Variants in PNPLA3 observed in about 807,000 individuals in gnomAD.
PNPLA3 encodes patatin like domain 3, 1-acylglycerol-3-phosphate O-acyltransferase.
In PNPLA3, 42 loss-of-function variants were observed where a neutral mutation model predicts 43.1. The ratio of observed to expected loss-of-function variants is 0.97; its 90% CI spans 0.76 to 1.26. The LOEUF is 1.26. PNPLA3 is among the 50% of genes most tolerant of loss of function. The pLI, the probability that PNPLA3 is intolerant of heterozygous loss-of-function variation, is 0.00. For missense variants in PNPLA3, 647 were observed against 621.4 expected (o/e 1.04, Z -0.44); for synonymous variants, 272 against 253.6 (o/e 1.07, Z -0.69).
At chr22:43,938,200 C>T (rs1295220585) in intron 6 of PNPLA3, among the ~76,000 whole-genome samples, 9 of 152,098 alleles carry the variant, frequency 5.9e-5, no homozygotes, top group Non-Finnish European at 1.3e-4. Context: ...AGCCTGAACA[C>T]GGACTAAGTC....
At position 43,937,191 on chromosome 22, in the gene PNPLA3, G is replaced by T. The variant is rs2050001158; in HGVS notation, c.898G>T (p.Glu300Ter). 2 of 1,614,048 alleles carry T rather than the reference G, an allele frequency of 1.2e-6. No homozygotes were observed. Among genetic ancestry groups the T allele is most frequent in the African/African-American group, 1.3e-5 (1 of 74,924 alleles). ...CTTGGCTGTGAGGCTGGAGGGAGAT[G>T]AGCTGCTAGACCACCTGCGTCTCAG... is the stretch of plus-strand genomic sequence containing the variant. ...AALAVRLEGD[E>*]LLDHLRLSIL... The change falls in exon 6 of 9, where the codon GAG becomes TAG. Residue 300 changes from glutamate to a stop codon, truncating the protein, a stop_gained. Coordinates refer to ENST00000216180, the MANE Select transcript of PNPLA3 (RefSeq NM_025225.3). LOFTEE classifies it high-confidence loss of function.
rs1011490387 is a variant in PNPLA3 at position 43,947,040 on chromosome 22, A to G, written c.*658A>G. On this transcript the variant is annotated 3_prime_UTR_variant, in exon 9 of 9. Coordinates refer to ENST00000216180, the MANE Select transcript of PNPLA3 (RefSeq NM_025225.3). ...GAATTTTGTATTATGTGAATCAGTG[A>G]GATGTTAGTAGAATAAGCCTTAAAA... is the stretch of plus-strand genomic sequence containing the variant. 3.4e-5 allele frequency: 8 copies of G among 233,446 alleles called. 1 individual carries two copies. The highest frequency in any genetic ancestry group is 2.2e-4 in the Admixed American group (4 of 18,574). 14.5% of individuals were successfully genotyped at this position (233,446 alleles called of 1,614,324 possible). A position where few individuals can be genotyped will look rare whatever the true frequency, so the allele number is the denominator to read the frequency against.
intron 5 of PNPLA3, among the ~76,000 whole-genome samples, chr22:43,934,932 A>G (rs1297891275): frequency 6.6e-6 from 1 of 152,070 alleles, no homozygotes; most frequent in African/African-American, 2.4e-5. Flanking sequence ...TCATGACTCC[A>G]GGGCCCTCTC....
chr22:43,939,001 C>T (rs2050014147), intron 6 of PNPLA3, among the ~76,000 whole-genome samples: 1 of 152,236 alleles, frequency 6.6e-6, no homozygotes, highest in Non-Finnish European at 1.5e-5. Flanking sequence ...TCTTGGCTCA[C>T]TGGAGCCTCC....
At chr22:43,939,076 C>G (rs1233385890) in intron 6 of PNPLA3, among the ~76,000 whole-genome samples, 2 of 152,238 alleles carry the variant, frequency 1.3e-5, no homozygotes, top group East Asian at 3.9e-4. Flanking sequence ...CAGGTGCACA[C>G]CACCACGCCT....
intron 7 of PNPLA3, among the ~76,000 whole-genome samples, chr22:43,943,058 T>C (rs2050041731): frequency 1.3e-5 from 2 of 152,300 alleles, no homozygotes; most frequent in South Asian, 4.1e-4. Context: ...ACAGATTTCC[T>C]CAAATTTTGT....
Position 43,933,482 on chromosome 22 carries a change from G to A in PNPLA3, c.696+395G>A, listed in dbSNP as rs565734210. Reference sequence around the variant, plus strand: ...GCTCACTGAAGCCTCAGACTCCTGGGTTCAAGCAGTCCTCCCACCTCAGCC... The same window carrying A: ...GCTCACTGAAGCCTCAGACTCCTGGATTCAAGCAGTCCTCCCACCTCAGCC... On this transcript the variant is annotated intron_variant, in intron 4 of 8. Transcript: ENST00000216180. Among the ~76,000 whole-genome samples, 17 of 152,242 alleles carry A rather than the reference G, an allele frequency of 1.1e-4. No individual in the cohort carries two copies. The East Asian group carries it at 3.3e-3, about 29-fold the overall frequency.
In PNPLA3 at chr22:43,928,896, C is replaced by G. The variant is rs750880570; in HGVS notation, c.486+7C>G. ...TCCTTCCTTCAGAGGCGTGGTAAGT[C>G]GGCTTTCTCTGCTAGCGCTGAGTCC... On this transcript the variant is annotated splice_region_variant and intron_variant, in intron 3 of 8. Transcript: ENST00000216180. The G allele has an allele frequency of 6.2e-7, 1 of 1,607,936 alleles. No homozygotes were observed. Among genetic ancestry groups the G allele is most frequent in the Non-Finnish European group, 8.5e-7 (1 of 1,174,456 alleles).
intron 4 of PNPLA3, among the ~76,000 whole-genome samples, chr22:43,933,670 A>T (rs1464069717): frequency 2.0e-5 from 3 of 152,206 alleles, no homozygotes; most frequent in Non-Finnish European, 4.4e-5. Context: ...CATTGTACCC[A>T]GCCACTAAGA....
chr22:43,946,490 G>A lies in PNPLA3; in HGVS notation c.*108G>A. The A allele has an allele frequency of 9.1e-7, 1 of 1,096,726 alleles. No individual in the cohort carries two copies. The highest frequency in any genetic ancestry group is 1.4e-6 in the Non-Finnish European group (1 of 729,068). 67.9% of individuals were successfully genotyped at this position (1,096,726 alleles called of 1,614,324 possible). On this transcript the variant is annotated 3_prime_UTR_variant, in exon 9 of 9. Coordinates refer to ENST00000216180, the MANE Select transcript of PNPLA3 (RefSeq NM_025225.3). The stretch of plus-strand genomic sequence containing the variant: ...TGTAGTGACCCCTGCCTGTGACGTG[G>A]AGGATCCCAGCCTCTGAGCTGAGTT...
intron 1 of PNPLA3, chr22:43,924,304 C>G (rs1406274972): frequency 3.2e-6 from 2 of 620,834 alleles, no homozygotes; most frequent in East Asian, 3.5e-5. Context: ...GTTGGAACCC[C>G]GAGCGGTCCG....
chr22:43,924,723 C>T (rs527988196), intron 1 of PNPLA3, among the ~76,000 whole-genome samples: 48 of 151,986 alleles, frequency 3.2e-4, no homozygotes, highest in African/African-American at 1.2e-3. Context: ...TCTCAACTCA[C>T]TGCAAGCTCC....
intron 1 of PNPLA3, among the ~76,000 whole-genome samples, chr22:43,926,371 C>T (rs1286453319): frequency 6.6e-6 from 1 of 152,140 alleles, no homozygotes; most frequent in South Asian, 2.1e-4. Flanking sequence ...GAGGCCAGGC[C>T]AGTAAGTGAG....
In PNPLA3 at chr22:43,933,106, G is replaced by A. The variant is rs1266827865; in HGVS notation, c.696+19G>A. 25 of 1,608,296 alleles carry A rather than the reference G, an allele frequency of 1.6e-5. No individual in the cohort carries two copies. The highest frequency in any genetic ancestry group is 1.9e-5 in the Non-Finnish European group (22 of 1,176,122). The stretch of plus-strand genomic sequence containing the variant: ...TCTCAAGGTGAGTTGGTGGTGAGGG[G>A]GCAGGTGTTCTGGGGTGCAGCTCTT... On this transcript the variant is annotated intron_variant, in intron 4 of 8. Coordinates refer to ENST00000216180, the MANE Select transcript of PNPLA3 (RefSeq NM_025225.3).
chr22:43,944,570 C>T (rs920499278), intron 7 of PNPLA3, 121 bp from the exon 8 acceptor site: 100 of 766,878 alleles, frequency 1.3e-4, no homozygotes, highest in South Asian at 2.8e-4. Context: ...ATCCCAGATC[C>T]ACCTTCTGGG....
At chr22:43,937,706 G>A (rs921703487) in intron 6 of PNPLA3, among the ~76,000 whole-genome samples, 5 of 152,186 alleles carry the variant, frequency 3.3e-5, no homozygotes, top group Admixed American at 2.0e-4. Flanking sequence ...CTTTTCAGCC[G>A]CCTCCCTCCA....
rs770655778 is a variant in PNPLA3 at position 43,926,898 on chromosome 22, T to C, written c.188-37T>C. ...TGCCAAAAGTATTACCATCCCAGTG[T>C]GGTACATTCTTTCATGTATTTGTCT... On this transcript the variant is annotated intron_variant, in intron 1 of 8. Transcript: ENST00000216180. The C allele has an allele frequency of 1.9e-6, 3 of 1,567,042 alleles. No homozygotes were observed. The Admixed American group carries it at 5.0e-5, about 26-fold the overall frequency.
chr22:43,926,384 C>T (rs1218589972), intron 1 of PNPLA3, among the ~76,000 whole-genome samples: 1 of 152,150 alleles, frequency 6.6e-6, no homozygotes, highest in Non-Finnish European at 1.5e-5. Context: ...TAAGTGAGGT[C>T]AGATCTCCTG....
At chr22:43,932,242 T>A (rs556275471) in intron 3 of PNPLA3, among the ~76,000 whole-genome samples, 15 of 152,322 alleles carry the variant, frequency 9.8e-5, no homozygotes, top group African/African-American at 3.6e-4. Flanking sequence ...AAACTCACCC[T>A]TAGAATAATT....
Sources: allele counts gnomAD v4.1 joint callset (sites outside exome capture counted in the v4.1 genomes callset), GRCh38; gene constraint gnomAD v4.1.1; transcripts MANE v1.5; gene names NCBI Gene and HGNC (gene_info 2026-07-23, HGNC 2026-07-21).